The following KCNMB2 variants were observed in gnomAD, a reference collection of about 807,000 sequenced individuals.
KCNMB2 encodes the protein potassium calcium-activated channel subfamily M regulatory beta subunit 2, also known as calcium-activated potassium channel subunit beta-2.
In KCNMB2, 9 loss-of-function variants were observed where a neutral mutation model predicts 24.5. The observed-to-expected ratio is 0.37, with a 90% CI of 0.22 to 0.64. KCNMB2 has a LOEUF of 0.64. Among genes scored for constraint, KCNMB2 ranks in the 30% least tolerant of loss-of-function variants. The pLI is 0.63. For missense variants in KCNMB2, 226 were observed against 284.3 expected, an observed-to-expected ratio of 0.79 and a Z score of 1.47; for synonymous variants, 109 against 104.4, an observed-to-expected ratio of 1.04 and a Z score of -0.27.
intron 1 of KCNMB2, among the ~76,000 whole-genome samples, chr3:178,579,044 T>C (rs1282083506): frequency 6.6e-6 from 1 of 152,004 alleles, no homozygotes; most frequent in Non-Finnish European, 1.5e-5. Flanking sequence ...TCAACAGAAC[T>C]CTCCACCCCA....
chr3:178,813,380 T>TTATAA (rs1456007739), intron 2 of KCNMB2, among the ~76,000 whole-genome samples: 1 of 152,182 alleles, frequency 6.6e-6, no homozygotes, highest in Non-Finnish European at 1.5e-5. Flanking sequence ...TTAAGCAACA[T>TTATAA]TTTGTGGCAA....
At chr3:178,599,061 T>C (rs1717984183) in intron 1 of KCNMB2, among the ~76,000 whole-genome samples, 1 of 152,068 alleles carries the variant, frequency 6.6e-6, no homozygotes, top group African/African-American at 2.4e-5. Context: ...AGTTTCGTGT[T>C]TTACAAAGAC....
intron 1 of KCNMB2, among the ~76,000 whole-genome samples, chr3:178,771,945 C>T (rs1335117315): frequency 6.6e-6 from 1 of 152,056 alleles, no homozygotes; most frequent in Admixed American, 6.6e-5. Context: ...TGACCAGATC[C>T]CTTACCTCCT....
chr3:178,714,565 C>CACGA (rs1257476115), intron 1 of KCNMB2, among the ~76,000 whole-genome samples: 5 of 152,178 alleles, frequency 3.3e-5, no homozygotes, highest in African/African-American at 4.8e-5. Context: ...CGGGAGAAAG[C>CACGA]ACGACATGGT....
intron 1 of KCNMB2, among the ~76,000 whole-genome samples, chr3:178,599,660 G>A (rs1298093687): frequency 6.6e-6 from 1 of 152,032 alleles, no homozygotes; most frequent in Non-Finnish European, 1.5e-5. Context: ...TATGCATACA[G>A]TTCAATAGTA....
At chr3:178,637,525 A>G (rs111345629) in intron 1 of KCNMB2, among the ~76,000 whole-genome samples, 1 of 152,244 alleles carries the variant, frequency 6.6e-6, no homozygotes, top group African/African-American at 2.4e-5. Flanking sequence ...AAGATAGTTA[A>G]TTACATTGGT....
In KCNMB2 at chr3:178,630,480, G is replaced by A. The variant is rs184026621; in HGVS notation, c.-68+93769G>A. ...TGTTTCTGCCAGTCACAGAGAGAAC[G>A]ATCTCTTCTAAACTCTTTGCTATAT... On this transcript the variant is annotated intron_variant, in intron 1 of 4. Transcript: ENST00000452583. Among the ~76,000 whole-genome samples, 9 of 152,316 alleles carry A rather than the reference G, an allele frequency of 5.9e-5. No individual in the cohort carries two copies. The East Asian group carries it at 1.2e-3, about 20-fold the overall frequency.
At chr3:178,700,741 T>G (rs1312696370) in intron 1 of KCNMB2, among the ~76,000 whole-genome samples, 2 of 151,472 alleles carry the variant, frequency 1.3e-5, no homozygotes, top group Non-Finnish European at 2.9e-5. Context: ...TCATCCCCAA[T>G]CACCAATATC....
chr3:178,730,302 T>C (rs534002654), intron 1 of KCNMB2, among the ~76,000 whole-genome samples: 1 of 152,296 alleles, frequency 6.6e-6, no homozygotes, highest in Admixed American at 6.5e-5. Flanking sequence ...ACCTACTAGA[T>C]ATTTACGGTA....
chr3:178,759,294 G>T (rs1270270048), intron 1 of KCNMB2, among the ~76,000 whole-genome samples: 16 of 105,096 alleles, frequency 1.5e-4, no homozygotes, highest in Non-Finnish European at 3.1e-4. Context: ...TCCAAGAGGA[G>T]ACATATATAT....
Position 178,743,151 on chromosome 3 carries a change from T to C in KCNMB2, c.-67-64192T>C, listed in dbSNP as rs188937026. The stretch of plus-strand genomic sequence containing the variant: ...GTGCAGAAAAGGAGTCCAGGAGCCC[T>C]GTGACCATATCATGTAACAATGTTC... On this transcript the variant is annotated intron_variant, in intron 1 of 4. Coordinates refer to ENST00000452583, the MANE Select transcript of KCNMB2 (RefSeq NM_181361.3). Among the ~76,000 whole-genome samples the C allele has an allele frequency of 3.3e-5, 5 of 152,304 alleles. No individual in the cohort carries two copies. The East Asian group carries it at 9.6e-4, about 29-fold the overall frequency.
intron 1 of KCNMB2, among the ~76,000 whole-genome samples, chr3:178,761,578 C>T (rs572570514): frequency 3.9e-5 from 6 of 152,080 alleles, no homozygotes; most frequent in African/African-American, 1.4e-4. Flanking sequence ...CTTTTCGTGC[C>T]CAATATAGAT....
intron 1 of KCNMB2, among the ~76,000 whole-genome samples, chr3:178,581,434 T>C (rs905230156): frequency 2.0e-5 from 3 of 152,086 alleles, no homozygotes; most frequent in Admixed American, 2.0e-4. Flanking sequence ...ACCTAGGCAA[T>C]ACCATTCAGG....
At chr3:178,778,080 C>T (rs918747668) in intron 1 of KCNMB2, among the ~76,000 whole-genome samples, 1 of 152,152 alleles carries the variant, frequency 6.6e-6, no homozygotes, top group Non-Finnish European at 1.5e-5. Flanking sequence ...TATTTTTTTA[C>T]CTCTACAATT....
chr3:178,825,624 G>C lies in KCNMB2; in HGVS notation c.93G>C (p.Leu31=), dbSNP rs149734122. The C allele has an allele frequency of 1.4e-4, 226 of 1,613,742 alleles. No homozygotes were observed. The highest frequency in any genetic ancestry group is 1.8e-4 in the Non-Finnish European group (212 of 1,179,816). ...AGAAAATCAGGGACCATGACCTCCTGGACAAAAGGAAAACAGTCACAGCAC... is the reference window on the plus strand; with the variant it reads ...AGAAAATCAGGGACCATGACCTCCTCGACAAAAGGAAAACAGTCACAGCAC... ...IYQKIRDHDL[L]DKRKTVTALK... The change falls in exon 3 of 5, where the codon CTG becomes CTC. Residue 31 remains leucine, a synonymous_variant. Coordinates refer to ENST00000452583, the MANE Select transcript of KCNMB2 (RefSeq NM_181361.3).
At chr3:178,669,186 C>A (rs1720817673) in intron 1 of KCNMB2, among the ~76,000 whole-genome samples, 1 of 152,096 alleles carries the variant, frequency 6.6e-6, no homozygotes, top group South Asian at 2.1e-4. Context: ...ACCTCTCAAA[C>A]ATAAGTGAAG....
intron 1 of KCNMB2, among the ~76,000 whole-genome samples, chr3:178,607,415 C>T (rs1440565044): frequency 6.6e-6 from 1 of 152,116 alleles, no homozygotes; most frequent in African/African-American, 2.4e-5. Flanking sequence ...AAAATGCCTG[C>T]AAACCTCTTC....
At chr3:178,546,375 T>C (rs1334593264) in intron 1 of KCNMB2, among the ~76,000 whole-genome samples, 1 of 152,242 alleles carries the variant, frequency 6.6e-6, no homozygotes, top group East Asian at 1.9e-4. Flanking sequence ...TTTTTTCATA[T>C]AAGCATATAA....
At chr3:178,567,675 G>A (rs1716576312) in intron 1 of KCNMB2, among the ~76,000 whole-genome samples, 1 of 152,020 alleles carries the variant, frequency 6.6e-6, no homozygotes, top group Non-Finnish European at 1.5e-5. Context: ...CATGCGCCAG[G>A]ACATTTGCGC....
Sources: allele counts gnomAD v4.1 joint callset (sites outside exome capture counted in the v4.1 genomes callset), GRCh38; gene constraint gnomAD v4.1.1; transcripts MANE v1.5; gene names NCBI Gene and HGNC (gene_info 2026-07-23, HGNC 2026-07-21).